FRMD1: variants seen among roughly 807,000 people sequenced by gnomAD.
FRMD1 encodes the protein FERM domain containing 1.
A neutral mutation model predicts 54.9 loss-of-function variants in FRMD1; 51 were observed. The observed-to-expected ratio is 0.93, with a 90% CI of 0.74 to 1.17. The LOEUF (loss-of-function observed/expected upper bound fraction) is 1.17. Ranked by LOEUF, FRMD1 falls within the 50% of genes most tolerant of loss-of-function variation. The pLI, the probability that FRMD1 is intolerant of heterozygous loss-of-function variation, is 0.00. For missense variants in FRMD1, 729 were observed against 743.0 expected, an observed-to-expected ratio of 0.98 and a Z score of 0.22; for synonymous variants, 324 against 306.4, an observed-to-expected ratio of 1.06 and a Z score of -0.60.
Position 168,078,927 on chromosome 6 carries a change from G to A in FRMD1, c.168C>T (p.Val56=). ...MDAMASEHRD[V]LVLLPSREQL... ...GCTCCCGGCTGGGCAGCAGCACGAG[G>A]ACATCCCTGTGTTCCGAGGCCATCG... Residue 56 remains valine, a synonymous_variant, in exon 1 of 11, where the codon GTC becomes GTT. Coordinates refer to ENST00000283309, the MANE Select transcript of FRMD1 (RefSeq NM_024919.6). 6.2e-7 allele frequency: 1 copy of A among 1,607,058 alleles called. No individual in the cohort carries two copies. The highest frequency in any genetic ancestry group is 8.5e-7 in the Non-Finnish European group (1 of 1,179,214).
chr6:168,080,863 G>A (rs1800809808), upstream of FRMD1, among the ~76,000 whole-genome samples: 1 of 151,924 alleles, frequency 6.6e-6, no homozygotes, highest in South Asian at 2.1e-4. Flanking sequence ...GCGCTGGTGT[G>A]TGCGGGTGCT....
chr6:168,066,607 A>C (rs1053734018), intron 4 of FRMD1, 148 bp downstream of exon 4: 1 of 1,425,062 alleles, frequency 7.0e-7, no homozygotes, highest in African/African-American at 1.5e-5. Flanking sequence ...TTAACCCCAA[A>C]GCAAACAGCC....
chr6:168,076,864 G>A (rs1800617438), intron 1 of FRMD1, among the ~76,000 whole-genome samples: 1 of 152,208 alleles, frequency 6.6e-6, no homozygotes, highest in South Asian at 2.1e-4. Context: ...TGAATACAGG[G>A]TTCCTGTCTA....
At chr6:168,057,774 A>C (rs1799489835) in intron 10 of FRMD1, 1 of 180,790 alleles carries the variant, frequency 5.5e-6, no homozygotes, top group African/African-American at 2.4e-5. Context: ...GTGGGCGGCC[A>C]GCGGGCAGCG....
At chr6:168,069,520 G>A (rs1338168802) in intron 2 of FRMD1, among the ~76,000 whole-genome samples, 2 of 152,198 alleles carry the variant, frequency 1.3e-5, no homozygotes, top group Admixed American at 1.3e-4. Flanking sequence ...AGCATGAGTG[G>A]CAGATGTTTA....
chr6:168,061,266 G>T (rs1799717993), intron 8 of FRMD1, among the ~76,000 whole-genome samples: 2 of 152,102 alleles, frequency 1.3e-5, no homozygotes, highest in South Asian at 4.1e-4. Context: ...CAGGCCTGTG[G>T]TAAACGCTGA....
chr6:168,057,196 G>A lies in FRMD1; in HGVS notation c.1551C>T (p.Gly517=), dbSNP rs145237866. ...FHRALDCRLA[G]PCETRATLPS... ...GGAGAGTGGCCCTGGTCTCGCAGGG[G>A]CCTGCCAGCCTGCAGTCCAGGGCGC... The change falls in exon 11 of 11, where the codon GGC becomes GGT. Residue 517 remains glycine, a synonymous_variant. Coordinates refer to ENST00000283309, the MANE Select transcript of FRMD1 (RefSeq NM_024919.6). The A allele has an allele frequency of 1.0e-5, 16 of 1,601,534 alleles. No homozygotes were observed. The African/African-American group carries it at 1.6e-4, about 16-fold the overall frequency.
upstream of FRMD1, among the ~76,000 whole-genome samples, chr6:168,083,396 G>C (rs559420623): frequency 6.6e-6 from 1 of 152,382 alleles, no homozygotes; most frequent in Non-Finnish European, 1.5e-5. Context: ...GTGAGGCAGC[G>C]GTGCCGGCAG....
At chr6:168,068,340 A>C (rs1362420977) in intron 2 of FRMD1, among the ~76,000 whole-genome samples, 2 of 152,208 alleles carry the variant, frequency 1.3e-5, no homozygotes, top group East Asian at 3.9e-4. Context: ...GAGGAAAATA[A>C]AGCCTAGAGA....
rs1013475128 is a variant in FRMD1 at position 168,053,872 on chromosome 6, C to T, written c.*3225G>A. 1.2e-4 allele frequency: 19 copies of T among 152,218 alleles called. No individual in the cohort carries two copies. Among genetic ancestry groups the T allele is most frequent in the African/African-American group, 4.1e-4 (17 of 41,392 alleles). The allele number at this position is 152,218 out of a possible 1,614,324, so 9.4% of individuals were successfully genotyped here. A position where few individuals can be genotyped will look rare whatever the true frequency, so the allele number is the denominator to read the frequency against. Reference sequence around the variant, plus strand: ...CCTCCCAGATGGGCACCTGAGGACCCCGGCCTCCTCCTCCTGCTTGGGGTT... The same window carrying T: ...CCTCCCAGATGGGCACCTGAGGACCTCGGCCTCCTCCTCCTGCTTGGGGTT... On this transcript the variant is annotated 3_prime_UTR_variant, in exon 11 of 11. Transcript: ENST00000283309.
At chr6:168,076,996 C>T (rs549526156) in intron 1 of FRMD1, among the ~76,000 whole-genome samples, 1 of 152,190 alleles carries the variant, frequency 6.6e-6, no homozygotes, top group East Asian at 1.9e-4. Flanking sequence ...CGTGCACACC[C>T]CAACAGAGGG....
chr6:168,064,599 C>T (rs1426741955), intron 5 of FRMD1, among the ~76,000 whole-genome samples: 1 of 152,248 alleles, frequency 6.6e-6, no homozygotes, highest in Non-Finnish European at 1.5e-5. Context: ...AGCCAGAGTG[C>T]AAGGCCACAC....
intron 5 of FRMD1, among the ~76,000 whole-genome samples, chr6:168,064,112 G>A (rs1023697620): frequency 6.6e-6 from 1 of 152,240 alleles, no homozygotes; most frequent in African/African-American, 2.4e-5. Context: ...AAGAATCGCA[G>A]GGACGTGGAA....
chr6:168,063,864 C>A (rs1799891409), intron 5 of FRMD1, 108 bp from the exon 6 acceptor site: 1 of 1,316,780 alleles, frequency 7.6e-7, no homozygotes, highest in Non-Finnish European at 1.0e-6. Context: ...CTGGTGCCAA[C>A]CTCGGTGGGC....
chr6:168,059,049 G>T lies in FRMD1; in HGVS notation c.1407+75C>A, dbSNP rs900161708. On this transcript the variant is annotated intron_variant, in intron 10 of 10. Transcript: ENST00000283309. This position sits in a 1 kb window ranked among gnomAD's most constrained non-coding sequence, Gnocchi z 4.4. ...TGATAGGCCTAGGAAGGTCCCCAGG[G>T]CCCCTGACAGGGGACCTAGGAGAAG... The T allele has an allele frequency of 5.0e-6, 6 of 1,194,124 alleles. No individual in the cohort carries two copies. Among genetic ancestry groups the T allele is most frequent in the African/African-American group, 1.5e-5 (1 of 67,334 alleles). 74.0% of individuals were successfully genotyped at this position (1,194,124 alleles called of 1,614,324 possible).
chr6:168,062,745 G>A, intron 7 of FRMD1, 149 bp downstream of exon 7: 1 of 1,569,634 alleles, frequency 6.4e-7, no homozygotes, highest in Non-Finnish European at 8.6e-7. Flanking sequence ...ACCTCCTGCG[G>A]GACAGCAGAG....
intron 1 of FRMD1, among the ~76,000 whole-genome samples, chr6:168,088,539 C>T (rs1353555148): frequency 6.6e-6 from 1 of 152,178 alleles, no homozygotes; most frequent in Non-Finnish European, 1.5e-5. Flanking sequence ...TCAGCTGCTG[C>T]CGCTGTTAAC....
At chr6:168,075,872 C>T in intron 1 of FRMD1, 2 of 1,247,514 alleles carry the variant, frequency 1.6e-6, no homozygotes, top group South Asian at 2.7e-5. Context: ...TTTCCGGTGC[C>T]CGGTGTCCAC....
chr6:168,057,097 C>G lies in FRMD1; in HGVS notation c.1650G>C (p.Ter550TyrextTer47). The G allele has an allele frequency of 6.8e-7, 1 of 1,474,902 alleles. No homozygotes were observed. The highest frequency in any genetic ancestry group is 9.0e-7 in the Non-Finnish European group (1 of 1,109,174). 91.4% of individuals were successfully genotyped at this position (1,474,902 alleles called of 1,614,324 possible). A position where few individuals can be genotyped will look rare whatever the true frequency, so the allele number is the denominator to read the frequency against. The stretch of plus-strand genomic sequence containing the variant: ...GACGGTACTGCTGGGTGGGTGGTGC[C>G]TACACCACAAACTCCTGTGGTGGAG... ...GEAPPQEFVV[*>Y] The change falls in exon 11 of 11, where the codon TAG (stop) becomes TAC (tyrosine). Residue 550 changes from the stop codon to tyrosine, a stop_lost. Transcript: ENST00000283309.
Sources: gnomAD v4.1 joint callset for allele counts (sites outside exome capture counted in the v4.1 genomes callset) on GRCh38, gnomAD v4.1.1 for gene constraint, Gnocchi (gnomAD v3.1) non-coding constraint, MANE v1.5 for transcripts, NCBI Gene and HGNC (gene_info 2026-07-23, HGNC 2026-07-21) for gene names.